The following ZFHX3 variants were observed in gnomAD, a reference collection of about 807,000 sequenced individuals.
ZFHX3 encodes the protein zinc finger homeobox 3.
Under a neutral mutation model 279.1 loss-of-function variants are expected in ZFHX3, and 42 were observed. That is an observed-to-expected ratio of 0.15 (90% CI 0.12 to 0.19). The LOEUF (loss-of-function observed/expected upper bound fraction) is 0.19. ZFHX3 is among the 10% of genes least tolerant of loss of function. The probability of loss-of-function intolerance (pLI) is 1.00; values close to 1 mark genes in which losing one functional copy is unlikely to be tolerated. For synonymous variants in ZFHX3, 2,293 were observed against 1,957.8 expected, an observed-to-expected ratio of 1.17 and a Z score of -4.52; for missense variants, 4,981 against 4,754.0, an observed-to-expected ratio of 1.05 and a Z score of -1.40.
chr16:73,115,744 T>G (rs559274055), intron 7 of ZFHX3, among the ~76,000 whole-genome samples: 2 of 152,330 alleles, frequency 1.3e-5, no homozygotes, highest in Admixed American at 1.3e-4. Context: ...ATGAGGAAAC[T>G]GAAGCTTAGT....
chr16:72,933,670 T>C (rs1272830073), intron 3 of ZFHX3, among the ~76,000 whole-genome samples: 1 of 152,120 alleles, frequency 6.6e-6, no homozygotes, highest in Admixed American at 6.6e-5. Context: ...CAGCCTCAAC[T>C]ACAGTTTTCT....
chr16:73,843,629 G>A (rs961647350), intron 1 of ZFHX3, among the ~76,000 whole-genome samples: 1 of 152,192 alleles, frequency 6.6e-6, no homozygotes, highest in Non-Finnish European at 1.5e-5. Context: ...GCTCTACAAA[G>A]ATTGCTCTCC....
intron 4 of ZFHX3, among the ~76,000 whole-genome samples, chr16:72,860,352 C>A (rs1010624126): frequency 2.6e-5 from 4 of 152,284 alleles, no homozygotes; most frequent in South Asian, 2.1e-4. Flanking sequence ...AAAAGCCTGC[C>A]CGCTTTCCCC....
chr16:73,419,825 A>C (rs904717471), intron 3 of ZFHX3, among the ~76,000 whole-genome samples: 21 of 152,070 alleles, frequency 1.4e-4, no homozygotes, highest in African/African-American at 4.6e-4. Flanking sequence ...TTTGAATCTA[A>C]TGATACTATG....
At chr16:73,805,697 C>T (rs903981876) in intron 1 of ZFHX3, among the ~76,000 whole-genome samples, 1 of 152,178 alleles carries the variant, frequency 6.6e-6, no homozygotes, top group Non-Finnish European at 1.5e-5. Flanking sequence ...TAGCAATGGA[C>T]AAAACAGTTA....
At chr16:73,074,815 A>G (rs770499490) in intron 8 of ZFHX3, among the ~76,000 whole-genome samples, 17 of 150,350 alleles carry the variant, frequency 1.1e-4, no homozygotes, top group Non-Finnish European at 2.4e-4. Context: ...TTTCTTTTTT[A>G]TTTGAGACAG....
chr16:72,933,937 G>A (rs1891413092), intron 3 of ZFHX3, among the ~76,000 whole-genome samples: 1 of 149,452 alleles, frequency 6.7e-6, no homozygotes, highest in Non-Finnish European at 1.5e-5. Context: ...TCCCACCTCA[G>A]CCTCCCGAGT....
At chr16:73,848,802 C>T (rs1042458479) in intron 1 of ZFHX3, among the ~76,000 whole-genome samples, 8 of 152,190 alleles carry the variant, frequency 5.3e-5, no homozygotes, top group Admixed American at 4.6e-4. Flanking sequence ...GCTAAAATTA[C>T]AGGAAACTTC....
intron 1 of ZFHX3, among the ~76,000 whole-genome samples, chr16:73,869,165 G>C (rs147030311): frequency 3.3e-5 from 5 of 152,126 alleles, no homozygotes; most frequent in South Asian, 2.1e-4. Context: ...CACATAAATT[G>C]TACAACTTTT....
intron 4 of ZFHX3, among the ~76,000 whole-genome samples, chr16:72,860,010 G>C (rs2037844885): frequency 6.6e-6 from 1 of 152,192 alleles, no homozygotes; most frequent in African/African-American, 2.4e-5. Flanking sequence ...CGAAGGGGTG[G>C]CGAGTTCTTA....
At chr16:72,987,466 G>A (rs1962896790) in intron 1 of ZFHX3, among the ~76,000 whole-genome samples, 1 of 152,116 alleles carries the variant, frequency 6.6e-6, no homozygotes, top group African/African-American at 2.4e-5. Context: ...CTCAGTTTAG[G>A]TAGAGGGACC....
chr16:73,705,221 C>T (rs1296403499), intron 1 of ZFHX3, among the ~76,000 whole-genome samples: 1 of 152,088 alleles, frequency 6.6e-6, no homozygotes, highest in African/African-American at 2.4e-5. Context: ...TGTTTAGCAA[C>T]CAATATGCAA....
chr16:73,415,665 C>T (rs1458446341), intron 3 of ZFHX3, among the ~76,000 whole-genome samples: 13 of 152,192 alleles, frequency 8.5e-5, no homozygotes, highest in African/African-American at 2.7e-4. Context: ...ATTTCCTCCC[C>T]TTACTGAATT....
At chr16:73,278,786 G>T (rs898805136) in intron 4 of ZFHX3, among the ~76,000 whole-genome samples, 1 of 152,126 alleles carries the variant, frequency 6.6e-6, no homozygotes, top group African/African-American at 2.4e-5. Context: ...GCTGATTGGT[G>T]CATTTTACAA....
chr16:72,952,526 G>A (rs1455457981), intron 2 of ZFHX3, among the ~76,000 whole-genome samples: 1 of 152,136 alleles, frequency 6.6e-6, no homozygotes, highest in Non-Finnish European at 1.5e-5. Flanking sequence ...TCTTATCCTC[G>A]CTGGCCCTCT....
chr16:73,077,663 G>A (rs911952961), intron 8 of ZFHX3, among the ~76,000 whole-genome samples: 1 of 152,112 alleles, frequency 6.6e-6, no homozygotes, highest in African/African-American at 2.4e-5. Flanking sequence ...ACTTTGACAA[G>A]CCTATTTCCA....
At chr16:73,474,504 T>A (rs568195567) in intron 2 of ZFHX3, among the ~76,000 whole-genome samples, 90 of 152,318 alleles carry the variant, frequency 5.9e-4, no homozygotes, top group African/African-American at 2.1e-3. Context: ...TGCATTTTTA[T>A]ATAAAACTCC....
intron 3 of ZFHX3, among the ~76,000 whole-genome samples, chr16:73,356,282 A>G (rs901147741): frequency 2.8e-4 from 42 of 152,176 alleles, no homozygotes; most frequent in African/African-American, 1.0e-3. Context: ...CCCGATGAAG[A>G]CAGCTGGCAT....
chr16:73,292,099 T>C (rs2014786383), intron 4 of ZFHX3, among the ~76,000 whole-genome samples: 1 of 152,140 alleles, frequency 6.6e-6, no homozygotes, highest in Non-Finnish European at 1.5e-5. Context: ...ATCTTATAGA[T>C]AGTTGTATAG....
Sources: allele counts gnomAD v4.1 joint callset (sites outside exome capture counted in the v4.1 genomes callset), GRCh38; gene constraint gnomAD v4.1.1; transcripts MANE v1.5; gene names NCBI Gene and HGNC (gene_info 2026-07-23, HGNC 2026-07-21).